RAD51B: variants seen among roughly 807,000 people sequenced by gnomAD.
RAD51B encodes DNA repair protein RAD51 homolog 2.
In RAD51B, 38 loss-of-function variants were observed where a neutral mutation model predicts 42.2. The ratio of observed to expected loss-of-function variants is 0.90; its 90% CI spans 0.70 to 1.18. The LOEUF (loss-of-function observed/expected upper bound fraction) is 1.18. RAD51B is among the 50% of genes most tolerant of loss of function. The pLI is 0.00. For synonymous variants in RAD51B, 154 were observed against 145.2 expected, an observed-to-expected ratio of 1.06 and a Z score of -0.43; for missense variants, 373 against 400.7, an observed-to-expected ratio of 0.93 and a Z score of 0.59.
chr14:67,990,668 A>G (rs979063780), intron 7 of RAD51B, among the ~76,000 whole-genome samples: 3 of 152,206 alleles, frequency 2.0e-5, no homozygotes, highest in Non-Finnish European at 2.9e-5. Context: ...GGTTATGACT[A>G]TTTATTGCCT....
chr14:68,614,457 G>A (rs1367840134), downstream of RAD51B, among the ~76,000 whole-genome samples: 1 of 152,004 alleles, frequency 6.6e-6, no homozygotes, highest in East Asian at 1.9e-4. Context: ...CCATTATCTA[G>A]TTCCGAATAT....
At chr14:68,051,822 T>G (rs1334434700) in intron 7 of RAD51B, among the ~76,000 whole-genome samples, 2 of 151,988 alleles carry the variant, frequency 1.3e-5, no homozygotes, top group Non-Finnish European at 2.9e-5. Flanking sequence ...AGGCTGGTCT[T>G]GAACTCCTGG....
intron 10 of RAD51B, 41 bp downstream of exon 10, chr14:68,468,291 C>T: frequency 6.5e-7 from 1 of 1,550,200 alleles, no homozygotes; most frequent in African/African-American, 1.4e-5. Context: ...AGCTTATGCT[C>T]AGTGCTGCCC....
At chr14:68,071,190 A>G (rs1473049184) in intron 7 of RAD51B, among the ~76,000 whole-genome samples, 3 of 152,124 alleles carry the variant, frequency 2.0e-5, no homozygotes, top group South Asian at 4.1e-4. Flanking sequence ...TTTCCCAGGT[A>G]TAGTATCATA....
At chr14:68,180,570 G>A (rs557666620) in intron 7 of RAD51B, among the ~76,000 whole-genome samples, 37 of 152,238 alleles carry the variant, frequency 2.4e-4, no homozygotes, top group Admixed American at 7.2e-4. Context: ...AGCAGCTGTC[G>A]TCATTATCGC....
chr14:68,021,066 C>T (rs570518995), intron 7 of RAD51B, among the ~76,000 whole-genome samples: 1 of 152,172 alleles, frequency 6.6e-6, no homozygotes, highest in Non-Finnish European at 1.5e-5. Context: ...AAACTGAATA[C>T]CCCCCTGGGA....
At chr14:68,443,198 T>A (rs2140166279) in intron 9 of RAD51B, among the ~76,000 whole-genome samples, 1 of 152,316 alleles carries the variant, frequency 6.6e-6, no homozygotes, top group Non-Finnish European at 1.5e-5. Flanking sequence ...GCCAGCTCTG[T>A]GGTTGAAAGT....
intron 3 of RAD51B, among the ~76,000 whole-genome samples, chr14:67,827,323 A>G (rs1338159331): frequency 6.6e-6 from 1 of 152,198 alleles, no homozygotes; most frequent in Non-Finnish European, 1.5e-5. Flanking sequence ...ATTCAACTTT[A>G]ATTTCTACTT....
At chr14:68,445,536 A>T (rs1364977222) in intron 9 of RAD51B, among the ~76,000 whole-genome samples, 1 of 152,178 alleles carries the variant, frequency 6.6e-6, no homozygotes, top group Non-Finnish European at 1.5e-5. Flanking sequence ...ACTCAATCCC[A>T]AAGAGATTAA....
In RAD51B at chr14:68,607,355, T is replaced by C. The variant is rs749267978; in HGVS notation, c.1037-3651T>C. Among the ~76,000 whole-genome samples, 13 of 151,936 alleles carry C rather than the reference T, an allele frequency of 8.6e-5. No individual in the cohort carries two copies. In the South Asian group the frequency reaches 1.2e-3, roughly 15 times the overall value. On this transcript the variant is annotated intron_variant, in intron 10 of 10. Transcript: ENST00000487861. ...TCCTGAGAGTATCCTTTCGAAAGAGTAAGTCATGGAAAAATGCGTGGCAAA... is the reference window on the plus strand; with the variant it reads ...TCCTGAGAGTATCCTTTCGAAAGAGCAAGTCATGGAAAAATGCGTGGCAAA...
At chr14:68,281,982 T>A (rs1274892373) in intron 7 of RAD51B, among the ~76,000 whole-genome samples, 4 of 152,064 alleles carry the variant, frequency 2.6e-5, no homozygotes, top group African/African-American at 9.7e-5. Flanking sequence ...ACATCCTTTT[T>A]TTTTTTTTTT....
At position 68,583,785 on chromosome 14, in the gene RAD51B, G is replaced by A. The variant is rs142961059; in HGVS notation, c.1037-10700G>A. On this transcript the variant is annotated intron_variant, in intron 10 of 10. Transcript: ENST00000487270. ...CACCCACAACTTGGCCTTGGGCTTA[G>A]GCTCAGGGAATTGACCAGGGAACTC... 5.8e-3 allele frequency among the ~76,000 whole-genome samples: 881 copies of A among 152,366 alleles called. 10 individuals carry two copies. The highest frequency in any genetic ancestry group is 0.02 in the African/African-American group (842 of 41,590).
At chr14:67,960,159 G>T (rs544749125) in intron 7 of RAD51B, among the ~76,000 whole-genome samples, 26 of 151,972 alleles carry the variant, frequency 1.7e-4, no homozygotes, top group Non-Finnish European at 3.1e-4. Context: ...AACGTTCTAT[G>T]TTAAGTGTAT....
At chr14:68,576,928 G>A (rs929187418) in intron 10 of RAD51B, among the ~76,000 whole-genome samples, 6 of 152,082 alleles carry the variant, frequency 3.9e-5, no homozygotes, top group African/African-American at 1.4e-4. Context: ...TTTTATTTAG[G>A]AAAAAAATGG....
chr14:68,597,249 G>A (rs1048933329), downstream of RAD51B, among the ~76,000 whole-genome samples: 10 of 152,268 alleles, frequency 6.6e-5, no homozygotes, highest in East Asian at 1.9e-4. Flanking sequence ...GCACCGTCTG[G>A]GGGAACCATA....
intron 7 of RAD51B, among the ~76,000 whole-genome samples, chr14:67,956,426 G>T (rs1221167698): frequency 6.6e-6 from 1 of 152,108 alleles, no homozygotes; most frequent in Non-Finnish European, 1.5e-5. Context: ...GGTAGAGATT[G>T]CAGTGAGCCA....
At chr14:68,301,592 GTTTTT>G (rs139865933) in intron 8 of RAD51B, among the ~76,000 whole-genome samples, 50,120 of 109,046 alleles carry the variant, frequency 0.46, 10,157 homozygotes, top group South Asian at 0.57. Context: ...TTGTTTGTGT[GTTTTT>G]TTTTTTTTTT....
intron 10 of RAD51B, among the ~76,000 whole-genome samples, chr14:68,508,759 C>T (rs942209451): frequency 3.9e-5 from 6 of 152,230 alleles, no homozygotes; most frequent in Admixed American, 6.5e-5. Context: ...TTGGCTTCCC[C>T]GCCTGTCCCC....
At chr14:68,119,559 A>C (rs941629469) in intron 7 of RAD51B, among the ~76,000 whole-genome samples, 2 of 143,340 alleles carry the variant, frequency 1.4e-5, no homozygotes, top group Admixed American at 7.2e-5. Context: ...ATGAGTGAGA[A>C]TATGCGGTGT....
Sources: gnomAD v4.1 joint callset for allele counts (sites outside exome capture counted in the v4.1 genomes callset) on GRCh38, gnomAD v4.1.1 for gene constraint, MANE v1.5 for transcripts, NCBI Gene and HGNC (gene_info 2026-07-23, HGNC 2026-07-21) for gene names.